HNF4G: variants seen among roughly 807,000 people sequenced by gnomAD.
The protein encoded by HNF4G is hepatocyte nuclear factor 4 gamma.
Under a neutral mutation model 50.9 loss-of-function variants are expected in HNF4G, and 21 were observed. That is an observed-to-expected ratio of 0.41 (90% CI 0.29 to 0.59). HNF4G has a LOEUF of 0.59. Ranked by LOEUF, HNF4G falls within the 20% of genes least tolerant of loss-of-function variation. The pLI, the probability that HNF4G is intolerant of heterozygous loss-of-function variation, is 0.26. For synonymous variants in HNF4G, 198 were observed against 185.6 expected, an observed-to-expected ratio of 1.07 and a Z score of -0.54; for missense variants, 527 against 559.4, an observed-to-expected ratio of 0.94 and a Z score of 0.58.
At chr8:75,466,776 C>T (rs1811999329) in intron 1 of HNF4G, among the ~76,000 whole-genome samples, 2 of 151,832 alleles carry the variant, frequency 1.3e-5, no homozygotes, top group Middle Eastern at 6.8e-3. Context: ...CCTTGACTTC[C>T]AGGCTCAAGA....
intron 1 of HNF4G, among the ~76,000 whole-genome samples, chr8:75,474,168 G>A (rs965189659): frequency 6.6e-6 from 1 of 152,170 alleles, no homozygotes. Flanking sequence ...GACCAGAGGG[G>A]ATGGGAGGGA....
At chr8:75,537,804 A>C (rs1248432835), upstream of HNF4G, among the ~76,000 whole-genome samples, 2 of 152,138 alleles carry the variant, frequency 1.3e-5, no homozygotes, top group Non-Finnish European at 2.9e-5. Flanking sequence ...ATTCTTACTC[A>C]ATGAAAAGGT....
At chr8:75,492,640 T>C (rs1472453803) in intron 2 of HNF4G, among the ~76,000 whole-genome samples, 1 of 152,170 alleles carries the variant, frequency 6.6e-6, no homozygotes, top group African/African-American at 2.4e-5. Flanking sequence ...CTCTTTATCC[T>C]CATTTTGTAG....
At chr8:75,481,926 T>C (rs184017321) in intron 1 of HNF4G, among the ~76,000 whole-genome samples, 1 of 152,100 alleles carries the variant, frequency 6.6e-6, no homozygotes, top group East Asian at 2.0e-4. Flanking sequence ...TAACATAACA[T>C]AATCTACTTG....
At chr8:75,506,211 C>T (rs919622328) in intron 2 of HNF4G, among the ~76,000 whole-genome samples, 1 of 151,642 alleles carries the variant, frequency 6.6e-6, no homozygotes, top group Non-Finnish European at 1.5e-5. Flanking sequence ...CCTGAAAAAT[C>T]GAAGATTTAG....
intron 2 of HNF4G, among the ~76,000 whole-genome samples, chr8:75,522,254 A>G (rs1806064819): frequency 6.6e-6 from 1 of 152,324 alleles, no homozygotes; most frequent in South Asian, 2.1e-4. Flanking sequence ...CTGTGGAGAT[A>G]GTGGGATTAT....
chr8:75,531,228 G>A (rs2941456), intron 2 of HNF4G, among the ~76,000 whole-genome samples: 31,027 of 152,050 alleles, frequency 0.2, 3,322 homozygotes, highest in African/African-American at 0.22. Context: ...CTATAAAAAT[G>A]TAATAGAAGA....
intron 1 of HNF4G, among the ~76,000 whole-genome samples, chr8:75,483,363 A>ATT (rs2130662759): frequency 1.3e-5 from 2 of 152,104 alleles, no homozygotes; most frequent in Non-Finnish European, 2.9e-5. Flanking sequence ...GCATGACTGC[A>ATT]TTTCTCTGCA....
intron 2 of HNF4G, among the ~76,000 whole-genome samples, chr8:75,522,009 G>A (rs531155744): frequency 6.6e-6 from 1 of 152,260 alleles, no homozygotes; most frequent in East Asian, 1.9e-4. Context: ...TTATACTTAC[G>A]ATGTTTTCAA....
chr8:75,490,070 T>C (rs1030852341), intron 1 of HNF4G: 4 of 152,630 alleles, frequency 2.6e-5, no homozygotes, highest in African/African-American at 9.6e-5. Flanking sequence ...TAGTATACTT[T>C]TGGAAATTGT....
At chr8:75,499,366 G>A (rs1422806545) in intron 2 of HNF4G, among the ~76,000 whole-genome samples, 1 of 152,010 alleles carries the variant, frequency 6.6e-6, no homozygotes, top group African/African-American at 2.4e-5. Context: ...GCATTATTGA[G>A]AGAAATGGAA....
intron 1 of HNF4G, among the ~76,000 whole-genome samples, chr8:75,466,623 T>TCGC (rs1184513583): frequency 1.8e-3 from 165 of 91,240 alleles, no homozygotes; most frequent in Non-Finnish European, 2.6e-3. Flanking sequence ...CTTCCTTCCT[T>TCGC]CCTTCCTTCC....
intron 1 of HNF4G, among the ~76,000 whole-genome samples, chr8:75,483,698 C>T (rs796578535): frequency 1.3e-5 from 2 of 152,154 alleles, no homozygotes; most frequent in African/African-American, 4.8e-5. Context: ...GGTCCGCTCT[C>T]TTAAAACTGA....
At chr8:75,490,885 T>C (rs1240062130) in intron 2 of HNF4G, among the ~76,000 whole-genome samples, 1 of 152,240 alleles carries the variant, frequency 6.6e-6, no homozygotes, top group Middle Eastern at 3.2e-3. Flanking sequence ...CTTCGCTTAA[T>C]AATTTGCATT....
chr8:75,558,096 C>T (rs1011316262), intron 6 of HNF4G, among the ~76,000 whole-genome samples: 8 of 151,930 alleles, frequency 5.3e-5, no homozygotes, highest in Non-Finnish European at 7.4e-5. Flanking sequence ...TAGTGTATGC[C>T]TAGAATGCCT....
At chr8:75,461,353 A>G (rs1811836286) in intron 1 of HNF4G, among the ~76,000 whole-genome samples, 1 of 152,014 alleles carries the variant, frequency 6.6e-6, no homozygotes, top group Admixed American at 6.6e-5. Context: ...TTCCTTCTTC[A>G]AAGCCCACAA....
intron 2 of HNF4G, among the ~76,000 whole-genome samples, chr8:75,532,482 G>A (rs1227404935): frequency 6.6e-6 from 1 of 151,998 alleles, no homozygotes; most frequent in Admixed American, 6.6e-5. Context: ...TTATATTTAT[G>A]TGGGCACCTT....
intron 1 of HNF4G, among the ~76,000 whole-genome samples, chr8:75,433,194 G>A (rs1246940693): frequency 6.6e-6 from 1 of 152,052 alleles, no homozygotes; most frequent in Non-Finnish European, 1.5e-5. Context: ...TTGAGGCTAA[G>A]AATTAGAGAC....
At position 75,449,729 on chromosome 8, in the gene HNF4G, G is replaced by T. The variant is rs35324788; in HGVS notation, c.-143-40360G>T. On this transcript the variant is annotated intron_variant, in intron 1 of 10. Transcript: ENST00000354370. The stretch of plus-strand genomic sequence containing the variant: ...TCACCGTGTTAGCCCGGATGGTCTC[G>T]ATCTCCTGACCTCGTGATCCGCCCC... 9.2e-5 allele frequency among the ~76,000 whole-genome samples: 14 copies of T among 151,828 alleles called. No individual in the cohort carries two copies. The East Asian group carries it at 1.9e-3, about 21-fold the overall frequency.
Sources: gnomAD v4.1 joint callset for allele counts (sites outside exome capture counted in the v4.1 genomes callset) on GRCh38, gnomAD v4.1.1 for gene constraint, MANE v1.5 for transcripts, NCBI Gene and HGNC (gene_info 2026-07-23, HGNC 2026-07-21) for gene names.